TRIM26: variants seen among roughly 807,000 people sequenced by gnomAD.
TRIM26 encodes tripartite motif containing 26, also known as tripartite motif-containing protein 26.
In TRIM26, 16 loss-of-function variants were observed where a neutral mutation model predicts 45.5. The observed-to-expected ratio is 0.35, with a 90% CI of 0.24 to 0.53. TRIM26 has a LOEUF of 0.53. TRIM26 is among the 20% of genes least tolerant of loss of function. The pLI, the probability that TRIM26 is intolerant of heterozygous loss-of-function variation, is 0.92. For missense variants in TRIM26, 442 were observed against 691.1 expected, an observed-to-expected ratio of 0.64 and a Z score of 4.04; for synonymous variants, 273 against 290.4, an observed-to-expected ratio of 0.94 and a Z score of 0.61.
chr6:30,187,496 C>T, intron 9 of TRIM26: 2 of 524,306 alleles, frequency 3.8e-6, no homozygotes, highest in South Asian at 2.9e-5. Flanking sequence ...TAACTTCATC[C>T]CCTTTTGCAG....
At chr6:30,210,557 C>A (rs1468344173) in intron 1 of TRIM26, among the ~76,000 whole-genome samples, 1 of 152,118 alleles carries the variant, frequency 6.6e-6, no homozygotes, top group South Asian at 2.1e-4. Context: ...TACAGTAGCA[C>A]CCCCCATCCG....
chr6:30,211,969 G>C (rs1269837616), intron 1 of TRIM26, among the ~76,000 whole-genome samples: 1 of 152,224 alleles, frequency 6.6e-6, no homozygotes, highest in Non-Finnish European at 1.5e-5. Context: ...GCTGCACTTA[G>C]TGACTTCCTT....
chr6:30,194,846 A>C (rs1776291738), intron 6 of TRIM26, among the ~76,000 whole-genome samples: 1 of 152,212 alleles, frequency 6.6e-6, no homozygotes, highest in South Asian at 2.1e-4. Flanking sequence ...CAGTGAGCTG[A>C]GATCACGCCA....
In TRIM26 at chr6:30,209,417, C is replaced by T. The variant is rs1428753649; in HGVS notation, c.-376+3888G>A. Among the ~76,000 whole-genome samples, 1 of 152,026 alleles carries T rather than the reference C, an allele frequency of 6.6e-6. No homozygotes were observed. The highest frequency in any genetic ancestry group is 1.5e-5 in the Non-Finnish European group (1 of 68,012). On this transcript the variant is annotated intron_variant, in intron 1 of 9. Transcript: ENST00000454678. This position sits in a 1 kb window ranked among gnomAD's most constrained non-coding sequence, Gnocchi z 4.8. ...GTTGGAAACGTAATTGCCAATGTAA[C>T]GGTATTAAGAGGTGGGGTCTTTAAG... is the stretch of plus-strand genomic sequence containing the variant.
Position 30,189,020 on chromosome 6 carries a change from A to C in TRIM26, c.937+147T>G. The C allele has an allele frequency of 1.2e-6, 1 of 845,710 alleles. No individual in the cohort carries two copies. Among genetic ancestry groups the C allele is most frequent in the Non-Finnish European group, 1.9e-6 (1 of 530,878 alleles). The allele number at this position is 845,710 out of a possible 1,614,324, so 52.4% of individuals were successfully genotyped here. A position where few individuals can be genotyped will look rare whatever the true frequency, so the allele number is the denominator to read the frequency against. ...AGAGTAGGCTGATTAGAAAGTGCAA[A>C]GAGGGAGGGGGGCTTCTATTGTGCA... On this transcript the variant is annotated intron_variant, in intron 9 of 9. Transcript: ENST00000454678. The surrounding 1 kb of genome is among the most constrained non-coding windows in gnomAD (Gnocchi z 5.0).
intron 3 of TRIM26, among the ~76,000 whole-genome samples, chr6:30,200,308 T>TA (rs778366186): frequency 3.8e-4 from 58 of 152,052 alleles, no homozygotes; most frequent in African/African-American, 1.2e-3. Flanking sequence ...CAGAAAACAT[T>TA]AAAAAACAAA....
rs760999192 is a variant in TRIM26 at position 30,198,417 on chromosome 6, A to G, written c.534+12T>C. The G allele has an allele frequency of 1.2e-6, 2 of 1,612,822 alleles. No homozygotes were observed. The highest frequency in any genetic ancestry group is 1.7e-5 in the Admixed American group (1 of 60,004). On this transcript the variant is annotated intron_variant, in intron 5 of 9. Transcript: ENST00000454678. The surrounding 1 kb of genome is among the most constrained non-coding windows in gnomAD (Gnocchi z 6.3). ...GCACCGCCTCAGGGCTTCCTGAAAC[A>G]GCCTCACTTACCAGCGCGGCCAGGA...
At chr6:30,211,951 A>C (rs1354452431) in intron 1 of TRIM26, among the ~76,000 whole-genome samples, 1 of 152,240 alleles carries the variant, frequency 6.6e-6, no homozygotes, top group African/African-American at 2.4e-5. Flanking sequence ...TTGGCTCCCT[A>C]GGTATGGGCT....
Position 30,190,084 on chromosome 6 carries a change from C to T in TRIM26, c.766-49G>A. On this transcript the variant is annotated intron_variant, in intron 6 of 9. Coordinates refer to ENST00000454678, the MANE Select transcript of TRIM26 (RefSeq NM_003449.5). The surrounding 1 kb of genome is among the most constrained non-coding windows in gnomAD (Gnocchi z 4.3). ...AAGTATCAATATGAATCAAATAAGA[C>T]TTCAATGCATCTGCACCCAACACTG... 1 of 1,599,274 alleles carries T rather than the reference C, an allele frequency of 6.3e-7. No individual in the cohort carries two copies.
In TRIM26 at chr6:30,208,300, G is replaced by A. The variant is rs143975626; in HGVS notation, c.-375-3535C>T. On this transcript the variant is annotated intron_variant, in intron 1 of 9. Coordinates refer to ENST00000454678, the MANE Select transcript of TRIM26 (RefSeq NM_003449.5). ...TAGCAGCAAGAACAGTGGGCTGCAC[G>A]TCACCAGCAAATCATCGTATCCAAG... Among the ~76,000 whole-genome samples, 1,167 of 152,290 alleles carry A rather than the reference G, an allele frequency of 7.7e-3. 9 individuals are homozygous for A. The highest frequency in any genetic ancestry group is 0.027 in the Middle Eastern group (8 of 294).
chr6:30,205,347 C>T (rs1777620923), intron 1 of TRIM26, among the ~76,000 whole-genome samples: 1 of 152,202 alleles, frequency 6.6e-6, no homozygotes, highest in Non-Finnish European at 1.5e-5. Context: ...TCCTCACAGG[C>T]AGAACTGCAG....
chr6:30,211,411 G>C (rs11967808), intron 1 of TRIM26, among the ~76,000 whole-genome samples: 4,662 of 152,074 alleles, frequency 0.031, 109 homozygotes, highest in African/African-American at 0.07. Context: ...TCTGATCCTG[G>C]GGGGGTCCAA....
intron 9 of TRIM26, chr6:30,187,086 C>CT: frequency 3.5e-6 from 1 of 289,022 alleles, no homozygotes; most frequent in Non-Finnish European, 6.7e-6. Context: ...TAATTGGGAT[C>CT]TTTTTTGGCT....
At chr6:30,210,003 G>A (rs1406644668) in intron 1 of TRIM26, among the ~76,000 whole-genome samples, 3 of 151,852 alleles carry the variant, frequency 2.0e-5, no homozygotes, top group Non-Finnish European at 2.9e-5. Context: ...TCAAGAGATC[G>A]AGACCATCCT....
At position 30,199,005 on chromosome 6, in the gene TRIM26, G is replaced by A. The variant is rs1562215666; in HGVS notation, c.99C>T (p.His33=). Reference sequence around the variant, plus strand: ...CTGTGGTGCAGCTGCGGCAGAAGACGTGGCCACAGTCAATGGTCACAGGGT... The same window carrying A: ...CTGTGGTGCAGCTGCGGCAGAAGACATGGCCACAGTCAATGGTCACAGGGT... ...LRDPVTIDCG[H]VFCRSCTTDV... Residue 33 remains histidine, a synonymous_variant, in exon 4 of 10, where the codon CAC becomes CAT. Transcript: ENST00000454678. The A allele has an allele frequency of 1.2e-6, 2 of 1,611,886 alleles. No individual in the cohort carries two copies. Among genetic ancestry groups the A allele is most frequent in the South Asian group, 1.1e-5 (1 of 90,996 alleles).
In TRIM26 at chr6:30,192,437, T is replaced by C. The variant is rs115697961; in HGVS notation, c.766-2402A>G. On this transcript the variant is annotated intron_variant, in intron 6 of 9. Coordinates refer to ENST00000454678, the MANE Select transcript of TRIM26 (RefSeq NM_003449.5). ...CCCAATCCCTTTAATGTCTTCTTGATGCTCCCAGCCCATAGGTTTGTCTTT... is the reference window on the plus strand; with the variant it reads ...CCCAATCCCTTTAATGTCTTCTTGACGCTCCCAGCCCATAGGTTTGTCTTT... Among the ~76,000 whole-genome samples the C allele has an allele frequency of 9.7e-3, 1,485 of 152,336 alleles. 22 individuals are homozygous for C. The highest frequency in any genetic ancestry group is 0.032 in the African/African-American group (1,338 of 41,574).
At chr6:30,191,991 A>G (rs2127492589) in intron 6 of TRIM26, among the ~76,000 whole-genome samples, 1 of 152,368 alleles carries the variant, frequency 6.6e-6, no homozygotes, top group South Asian at 2.1e-4. Flanking sequence ...AGAATCATAC[A>G]GGAGAAAGAA....
At chr6:30,212,932 A>AAAAG (rs1562245030) in intron 1 of TRIM26, among the ~76,000 whole-genome samples, 5 of 149,642 alleles carry the variant, frequency 3.3e-5, no homozygotes, top group Non-Finnish European at 5.9e-5. Context: ...AAAAAAAAAA[A>AAAAG]AAAGAAAGAG....
rs1165078961 is a variant in TRIM26 at position 30,198,569 on chromosome 6, G to A, written c.439-45C>T. The A allele has an allele frequency of 6.2e-7, 1 of 1,612,138 alleles. No homozygotes were observed. The highest frequency in any genetic ancestry group is 8.5e-7 in the Non-Finnish European group (1 of 1,179,342). ...GGCAACAGGTGGATGCTCTGGGCTG[G>A]GGCAGGAAGGGAGACTCAGGCTGAG... On this transcript the variant is annotated intron_variant, in intron 4 of 9. Coordinates refer to ENST00000454678, the MANE Select transcript of TRIM26 (RefSeq NM_003449.5). This position sits in a 1 kb window ranked among gnomAD's most constrained non-coding sequence, Gnocchi z 6.3.
Sources: allele counts gnomAD v4.1 joint callset (sites outside exome capture counted in the v4.1 genomes callset), GRCh38; gene constraint gnomAD v4.1.1; non-coding constraint Gnocchi (gnomAD v3.1); transcripts MANE v1.5; gene names NCBI Gene and HGNC (gene_info 2026-07-23, HGNC 2026-07-21).